DUOX2: variants seen among roughly 807,000 people sequenced by gnomAD.
The protein encoded by DUOX2 is NADH/NADPH thyroid oxidase p138-tox.
In DUOX2, 185 loss-of-function variants were observed where a neutral mutation model predicts 183.3. The observed-to-expected ratio is 1.01, with a 90% CI of 0.90 to 1.14. The LOEUF is 1.14. Ranked by LOEUF, DUOX2 falls within the 50% of genes most tolerant of loss-of-function variation. DUOX2 has a pLI of 0.00. For missense variants in DUOX2, 1,999 were observed against 2,022.9 expected (o/e 0.99, Z 0.23); for synonymous variants, 788 against 812.4 (o/e 0.97, Z 0.51).
Position 45,107,934 on chromosome 15 carries a change from G to A in DUOX2, c.1574+113C>T, listed in dbSNP as rs934740935. 2.1e-5 allele frequency: 25 copies of A among 1,164,366 alleles called. No homozygotes were observed. The African/African-American group carries it at 2.6e-4, about 12-fold the overall frequency. The allele number at this position is 1,164,366 out of a possible 1,614,324, so 72.1% of individuals were successfully genotyped here. On this transcript the variant is annotated intron_variant, in intron 13 of 33. Transcript: ENST00000389039. The stretch of plus-strand genomic sequence containing the variant: ...GAGAGACCCAGAGGGGTTGGGAAGG[G>A]TGTGGTGGGCTGACTGGGAATCAAG...
intron 16 of DUOX2, 61 bp from the exon 17 acceptor site, chr15:45,106,388 G>A: frequency 3.1e-6 from 5 of 1,603,358 alleles, no homozygotes; most frequent in Non-Finnish European, 4.3e-6. Context: ...CCGCCTTCAG[G>A]TCAATTCCTC....
rs1215599785 is a variant in DUOX2, at chr15:45,092,987, A to T, written c.*1163T>A. 2 of 152,202 alleles carry T rather than the reference A, an allele frequency of 1.3e-5. No homozygotes were observed. The highest frequency in any genetic ancestry group is 1.3e-4 in the Admixed American group (2 of 15,280). The allele number at this position is 152,202 out of a possible 1,614,324, so 9.4% of individuals were successfully genotyped here. A position where few individuals can be genotyped will look rare whatever the true frequency, so the allele number is the denominator to read the frequency against. On this transcript the variant is annotated 3_prime_UTR_variant, in exon 34 of 34. Transcript: ENST00000389039. ...TCTGGGGTGATGGAAATGTTGAAAC[A>T]TTCTATGTCTTGACCTGGGTGGTGG...
At chr15:45,100,324 ATCAGGATGGGC>A in intron 23 of DUOX2, 96 bp from the exon 24 acceptor site, 1 of 1,247,660 alleles carries the variant, frequency 8.0e-7, no homozygotes, top group Non-Finnish European at 1.1e-6. Flanking sequence ...TCTGGCAGGC[ATCAGGATGGGC>A]CACAACAGAT....
intron 26 of DUOX2, 68 bp downstream of exon 26, chr15:45,099,315 A>G (rs925789912): frequency 3.5e-5 from 51 of 1,467,334 alleles, no homozygotes; most frequent in South Asian, 1.2e-4. Context: ...CGGCCTGCCT[A>G]TTTCTTTTTC....
intron 2 of DUOX2, 124 bp downstream of exon 2, chr15:45,113,218 A>G: frequency 6.9e-7 from 1 of 1,450,732 alleles, no homozygotes; most frequent in Non-Finnish European, 9.4e-7. Flanking sequence ...GAAGTTTCCC[A>G]TCCCGCTGAG....
intron 26 of DUOX2, 34 bp from the exon 27 acceptor site, chr15:45,098,092 G>T: frequency 1.9e-6 from 3 of 1,597,816 alleles, no homozygotes; most frequent in Non-Finnish European, 2.6e-6. Context: ...CCTCTGACTG[G>T]GGCAGGAGGG....
chr15:45,113,057 T>A lies in DUOX2; in HGVS notation c.90A>T (p.Ser30=). Residue 30 remains serine (S), a synonymous_variant, in exon 3 of 34, where the codon TCA becomes TCT. Coordinates refer to ENST00000389039, the MANE Select transcript of DUOX2 (RefSeq NM_001363711.2). ...CATAGCGCTGCACTTCCCAGGGCAGTGAGAGTGCGTCCTGACTGCCTGTGG... is the reference window on the plus strand; with the variant it reads ...CATAGCGCTGCACTTCCCAGGGCAGAGAGAGTGCGTCCTGACTGCCTGTGG... The part of the protein sequence containing the change: ...LGPSGSQDAL[S]LPWEVQRYDG... The A allele has an allele frequency of 6.2e-7, 1 of 1,613,924 alleles. No individual in the cohort carries two copies. The highest frequency in any genetic ancestry group is 8.5e-7 in the Non-Finnish European group (1 of 1,179,964).
chr15:45,108,338 A>C (rs1439043226), intron 12 of DUOX2, 116 bp from the exon 13 acceptor site: 1 of 1,263,192 alleles, frequency 7.9e-7, no homozygotes, highest in Non-Finnish European at 1.1e-6. Context: ...CTCAGGCCTG[A>C]TTTCCTCTTC....
chr15:45,107,049 A>G, intron 14 of DUOX2, 80 bp from the exon 15 acceptor site: 1 of 1,543,588 alleles, frequency 6.5e-7, no homozygotes, highest in South Asian at 1.2e-5. Flanking sequence ...TATCCTATAA[A>G]GGACCAAGGT....
At chr15:45,096,957 G>A (rs891926938) in intron 29 of DUOX2, among the ~76,000 whole-genome samples, 1 of 152,128 alleles carries the variant, frequency 6.6e-6, no homozygotes, top group African/African-American at 2.4e-5. Context: ...CACATGTGGG[G>A]CCCTTTCCCA....
At chr15:45,100,503 C>T (rs1386934536) in intron 23 of DUOX2, 1 of 609,630 alleles carries the variant, frequency 1.6e-6, no homozygotes, top group African/African-American at 1.9e-5. Context: ...AAGGCTGTGC[C>T]CAAAGCAGGC....
intron 18 of DUOX2, 76 bp downstream of exon 18, chr15:45,105,566 CA>C (rs1220250262): frequency 8.9e-6 from 14 of 1,572,168 alleles, no homozygotes; most frequent in East Asian, 4.5e-5. Flanking sequence ...AGTTCACCCA[CA>C]GGGGCGTTCT....
Position 45,097,362 on chromosome 15 carries a change from G to T in DUOX2, c.3723C>A (p.Ile1241=), listed in dbSNP as rs769882380. 6.2e-7 allele frequency: 1 copy of T among 1,614,146 alleles called. No individual in the cohort carries two copies. ...LLIIHGSYAL[I]QLPTFHIYFL... ...AGTAGATGTGGAAAGTGGGCAGCTG[G>T]ATCAGAGCATAGCTGCCATGGATGA... Residue 1241 remains isoleucine (I), a synonymous_variant, in exon 29 of 34, where the codon ATC becomes ATA. Transcript: ENST00000389039.
chr15:45,113,199 C>T (rs1325560744), intron 2 of DUOX2, 123 bp from the exon 3 acceptor site: 3 of 1,441,706 alleles, frequency 2.1e-6, no homozygotes, highest in Middle Eastern at 1.9e-4. Flanking sequence ...AAGTGTCGGG[C>T]CGCACTGGGA....
In DUOX2 at chr15:45,108,848, C is replaced by G; in HGVS notation, c.1339G>C (p.Ala447Pro). ...GLPSYSQALL[A>P]FGLDIPRNWS... is the part of the protein sequence containing the mutation. ...TTCCTTGGGATGTCCAGCCCAAAGG[C>G]CAGCAGGGCCTGGCTATAGCTGGGC... is the stretch of plus-strand genomic sequence containing the variant. The change falls in exon 12 of 34, where the codon GCC (alanine) becomes CCC (proline). Residue 447 changes from alanine (A) to proline (P), a missense_variant. By Grantham distance (27) the Ala-to-Pro change is conservative (BLOSUM62 -1). This residue lies in a region of DUOX2 where 1,628 missense variants were observed against 1,608.6 expected (regional missense o/e 1.01). Transcript: ENST00000389039. The G allele has an allele frequency of 6.2e-7, 1 of 1,614,244 alleles. No individual in the cohort carries two copies. Among genetic ancestry groups the G allele is most frequent in the Non-Finnish European group, 8.5e-7 (1 of 1,180,046 alleles).
At chr15:45,102,912 G>C (rs1416657288) in intron 20 of DUOX2, among the ~76,000 whole-genome samples, 3 of 152,216 alleles carry the variant, frequency 2.0e-5, no homozygotes, top group Non-Finnish European at 4.4e-5. Context: ...AACCTGGGCA[G>C]TGGAGGTTGC....
At chr15:45,112,019 C>T in intron 4 of DUOX2, 64 bp from the exon 5 acceptor site, 1 of 1,581,188 alleles carries the variant, frequency 6.3e-7, no homozygotes, top group Non-Finnish European at 8.6e-7. Flanking sequence ...ACGGCCAGGG[C>T]GGCCTCCAAG....
chr15:45,107,332 C>T lies in DUOX2; in HGVS notation c.1693+13G>A. Reference sequence around the variant, plus strand: ...GCCACTGTCACTCACTTGTGTTCTCCCACGGCACTCACCTTTATGCCAGAC... The same window carrying T: ...GCCACTGTCACTCACTTGTGTTCTCTCACGGCACTCACCTTTATGCCAGAC... On this transcript the variant is annotated intron_variant, in intron 14 of 33. Coordinates refer to ENST00000389039, the MANE Select transcript of DUOX2 (RefSeq NM_001363711.2). The T allele has an allele frequency of 6.2e-7, 1 of 1,613,662 alleles. No individual in the cohort carries two copies. Among genetic ancestry groups the T allele is most frequent in the Non-Finnish European group, 8.5e-7 (1 of 1,179,534 alleles).
At chr15:45,109,036 T>C in intron 11 of DUOX2, 84 bp from the exon 12 acceptor site, 1 of 1,548,494 alleles carries the variant, frequency 6.5e-7, no homozygotes, top group Non-Finnish European at 8.9e-7. Flanking sequence ...CTATTGGCAC[T>C]ACGGTTCTTC....
Sources: allele counts gnomAD v4.1 joint callset (sites outside exome capture counted in the v4.1 genomes callset), GRCh38; gene constraint gnomAD v4.1.1; regional missense constraint gnomAD v4.1.1; transcripts MANE v1.5; gene names NCBI Gene and HGNC (gene_info 2026-07-23, HGNC 2026-07-21).